The following MMP25 variants were observed in gnomAD, a reference collection of about 807,000 sequenced individuals.
MMP25 encodes matrix metallopeptidase 25.
In MMP25, 68 loss-of-function variants were observed where a neutral mutation model predicts 62.1. That is an observed-to-expected ratio of 1.10 (90% CI 0.90 to 1.34). MMP25 has a LOEUF of 1.34. Ranked by LOEUF, MMP25 falls within the 40% of genes most tolerant of loss-of-function variation. The pLI, the probability that MMP25 is intolerant of heterozygous loss-of-function variation, is 0.00. For synonymous variants in MMP25, 407 were observed against 345.6 expected, an observed-to-expected ratio of 1.18 and a Z score of -1.97; for missense variants, 942 against 792.5, an observed-to-expected ratio of 1.19 and a Z score of -2.26.
intron 4 of MMP25, 140 bp downstream of exon 4, chr16:3,050,686 T>C (rs1178536621): frequency 1.2e-6 from 1 of 830,744 alleles, no homozygotes; most frequent in African/African-American, 1.8e-5. Flanking sequence ...CAATCATAGC[T>C]AACTGCAACC....
chr16:3,059,923 G>C lies in MMP25; in HGVS notation c.*825G>C, dbSNP rs1327815523. The stretch of plus-strand genomic sequence containing the variant: ...CAACTTGGGCACCTCCCTGGGCCCA[G>C]AACTGCCTTCCATTCAATGGGGAAC... On this transcript the variant is annotated 3_prime_UTR_variant, in exon 10 of 10. Transcript: ENST00000336577. The C allele has an allele frequency of 6.6e-6, 1 of 152,444 alleles. No individual in the cohort carries two copies. The highest frequency in any genetic ancestry group is 1.5e-5 in the Non-Finnish European group (1 of 68,266). 9.4% of individuals were successfully genotyped at this position (152,444 alleles called of 1,614,324 possible).
chr16:3,058,736 A>G, intron 9 of MMP25, 67 bp downstream of exon 9: 1 of 1,526,978 alleles, frequency 6.5e-7, no homozygotes, highest in Admixed American at 2.0e-5. Flanking sequence ...GGGAATGGGG[A>G]CATGGAGGCC....
In MMP25 at chr16:3,058,573, G is replaced by A. The variant is rs913189493; in HGVS notation, c.1321G>A (p.Glu441Lys). The A allele has an allele frequency of 6.2e-7, 1 of 1,609,272 alleles. No homozygotes were observed. The highest frequency in any genetic ancestry group is 8.5e-7 in the Non-Finnish European group (1 of 1,178,676). The part of the protein sequence containing the change: ...VRGRQYWRYD[E>K]AAARPDPGYP... ...CGGCCGGCAGTACTGGCGCTACGAC[G>A]AGGCGGCGGCGCGCCCGGACCCCGG... is the stretch of plus-strand genomic sequence containing the variant. The change falls in exon 9 of 10, where the codon GAG becomes AAG. Residue 441 changes from glutamate to lysine, a missense_variant. Physicochemically the swap from Glu to Lys is moderately conservative, Grantham distance 56. Coordinates refer to ENST00000336577, the MANE Select transcript of MMP25 (RefSeq NM_022468.5).
chr16:3,047,307 C>T, intron 1 of MMP25, 108 bp from the exon 2 acceptor site: 10 of 1,486,044 alleles, frequency 6.7e-6, no homozygotes, highest in Non-Finnish European at 9.0e-6. Context: ...GGGCTGGGGC[C>T]CTGGGCTCTG....
intron 4 of MMP25, among the ~76,000 whole-genome samples, chr16:3,056,471 G>A (rs1164827844): frequency 1.3e-5 from 2 of 151,518 alleles, no homozygotes; most frequent in African/African-American, 4.9e-5. Context: ...ATGGTCATGC[G>A]TCACTGCAGC....
rs757408855 is a variant in MMP25 at position 3,050,373 on chromosome 16, C to G, written c.488C>G (p.Pro163Arg). Residue 163 changes from proline to arginine, a missense_variant, in exon 4 of 10, where the codon CCC (proline) becomes CGC (arginine). Physicochemically the swap from Pro to Arg is moderately radical, Grantham distance 103. Coordinates refer to ENST00000336577, the MANE Select transcript of MMP25 (RefSeq NM_022468.5). ...SGLTFHEVDS[P>R]QGQEPDILID... ...CTCACATTTCATGAGGTGGATTCCC[C>G]CCAGGGCCAGGAGCCCGACATCCTC... 9.9e-6 allele frequency: 16 copies of G among 1,614,050 alleles called. No individual in the cohort carries two copies. In the South Asian group the frequency reaches 1.8e-4, roughly 18 times the overall value.
rs748712476 is a variant in MMP25 at position 3,050,461 on chromosome 16, A to G, written c.576A>G (p.Leu192=). The G allele has an allele frequency of 1.5e-5, 24 of 1,612,896 alleles. No individual in the cohort carries two copies. Among genetic ancestry groups the G allele is most frequent in the Non-Finnish European group, 2.0e-5 (23 of 1,179,318 alleles). Residue 192 remains leucine (L), a synonymous_variant, in exon 4 of 10, where the codon CTA becomes CTG. Coordinates refer to ENST00000336577, the MANE Select transcript of MMP25 (RefSeq NM_022468.5). ...SYPFDGLGGT[L]AHAFFPGEHP... ...CCTTCGACGGGTTGGGGGGCACCCT[A>G]GCCCATGCCTTCTTCCCTGGGGAGC... is the stretch of plus-strand genomic sequence containing the variant.
At chr16:3,051,535 C>G (rs1378539430) in intron 4 of MMP25, 1 of 152,246 alleles carries the variant, frequency 6.6e-6, no homozygotes, top group Non-Finnish European at 1.5e-5. Flanking sequence ...ACTGGTGTTT[C>G]ACCAACCAGC....
At chr16:3,054,987 T>G (rs1955981334) in intron 4 of MMP25, 1 of 153,568 alleles carries the variant, frequency 6.5e-6, no homozygotes, top group Non-Finnish European at 1.5e-5. Flanking sequence ...GATGCAGCTG[T>G]GTGCCCCAGT....
At chr16:3,057,795 C>A in intron 7 of MMP25, 182 bp downstream of exon 7, 1 of 633,962 alleles carries the variant, frequency 1.6e-6, no homozygotes, top group Admixed American at 2.7e-5. Flanking sequence ...AAATACTGGG[C>A]TCAAGCGATC....
chr16:3,047,483 G>T lies in MMP25; in HGVS notation c.168G>T (p.Glu56Asp). ...HPAQAQLQSP[E>D]KLRDAIKVMQ... is the part of the protein sequence containing the mutation. The stretch of plus-strand genomic sequence containing the variant: ...CCCAGGCCCAGCTGCAGAGCCCTGA[G>T]AAGTTGCGCGATGCCATCAAAGTCA... The change falls in exon 2 of 10, where the codon GAG (glutamate) becomes GAT (aspartate). Residue 56 changes from glutamate (E) to aspartate (D), a missense_variant. Physicochemically the swap from Glu to Asp is conservative, Grantham distance 45 (BLOSUM62 2). Transcript: ENST00000336577. 6.2e-7 allele frequency: 1 copy of T among 1,613,912 alleles called. No individual in the cohort carries two copies. The highest frequency in any genetic ancestry group is 8.5e-7 in the Non-Finnish European group (1 of 1,179,966).
chr16:3,047,637 C>G lies in MMP25; in HGVS notation c.232+90C>G, dbSNP rs1955839668. On this transcript the variant is annotated intron_variant, in intron 2 of 9. Coordinates refer to ENST00000336577, the MANE Select transcript of MMP25 (RefSeq NM_022468.5). ...TTTAGACCTCAGTGTGCTCCTGGAACACGGAGCTGTGAAGATGCTGATCTC... is the reference window on the plus strand; with the variant it reads ...TTTAGACCTCAGTGTGCTCCTGGAAGACGGAGCTGTGAAGATGCTGATCTC... 7 of 1,437,188 alleles carry G rather than the reference C, an allele frequency of 4.9e-6. No homozygotes were observed. In the East Asian group the frequency reaches 1.6e-4, roughly 33 times the overall value. 89.0% of individuals were successfully genotyped at this position (1,437,188 alleles called of 1,614,324 possible).
chr16:3,059,100 G>C lies in MMP25; in HGVS notation c.*2G>C, dbSNP rs532757551. On this transcript the variant is annotated 3_prime_UTR_variant, in exon 10 of 10. Transcript: ENST00000336577. ...GTGGGGGGTGTAGCCTCCCGCTGAT[G>C]GGGGGAGCCATCCAGACCGAACAGC... The C allele has an allele frequency of 6.5e-7, 1 of 1,537,214 alleles. No individual in the cohort carries two copies. Among genetic ancestry groups the C allele is most frequent in the East Asian group, 2.5e-5 (1 of 40,722 alleles).
chr16:3,056,894 G>C (rs1956018667), intron 4 of MMP25, 139 bp from the exon 5 acceptor site: 2 of 784,522 alleles, frequency 2.5e-6, no homozygotes, highest in South Asian at 1.8e-5. Flanking sequence ...GTTCAGGAAG[G>C]GCTGGGCAGA....
chr16:3,050,016 G>A lies in MMP25; in HGVS notation c.240G>A (p.Gly80=), dbSNP rs944751680. ...GCCAAATGTCTCCCGCAGACCCAGG[G>A]ACAGTGGCCACCATGCGTAAGCCCC... ...GLPETGRMDP[G]TVATMRKPRC... The change falls in exon 3 of 10, where the codon GGG becomes GGA. Residue 80 remains glycine (G), a synonymous_variant. Transcript: ENST00000336577. 5.6e-6 allele frequency: 9 copies of A among 1,609,552 alleles called. No homozygotes were observed. The African/African-American group carries it at 6.7e-5, about 12-fold the overall frequency.
At chr16:3,051,222 G>GTGTGTATGTGTGTGT (rs1567124812) in intron 4 of MMP25, 1 of 150,826 alleles carries the variant, frequency 6.6e-6, no homozygotes, top group Non-Finnish European at 1.5e-5. Context: ...TATGTGTGTG[G>GTGTGTATGTGTGTGT]GGGGGGTGTG....
intron 4 of MMP25, chr16:3,051,366 T>A (rs1955899565): frequency 6.6e-6 from 1 of 152,206 alleles, no homozygotes; most frequent in South Asian, 2.1e-4. Context: ...AATTCCTTCC[T>A]CTCCAGGAAA....
chr16:3,058,178 C>T lies in MMP25; in HGVS notation c.1007-3C>T, dbSNP rs1381237419. On this transcript the variant is annotated splice_polypyrimidine_tract_variant and splice_region_variant and intron_variant, in intron 7 of 9. Coordinates refer to ENST00000336577, the MANE Select transcript of MMP25 (RefSeq NM_022468.5). ...TTCCTGCGAACCCCTTTGTCCCCTGCAGGCCCCTGGTTCTGGCGCCTCCAG... is the reference window on the plus strand; with the variant it reads ...TTCCTGCGAACCCCTTTGTCCCCTGTAGGCCCCTGGTTCTGGCGCCTCCAG... 1 of 1,612,132 alleles carries T rather than the reference C, an allele frequency of 6.2e-7. No individual in the cohort carries two copies. The highest frequency in any genetic ancestry group is 8.5e-7 in the Non-Finnish European group (1 of 1,179,178).
In MMP25 at chr16:3,050,277, C is replaced by G. The variant is rs759954307; in HGVS notation, c.392C>G (p.Ser131Cys). Residue 131 changes from serine to cysteine, a missense_variant, in exon 4 of 10, where the codon TCC (serine) becomes TGC (cysteine). Coordinates refer to ENST00000336577, the MANE Select transcript of MMP25 (RefSeq NM_022468.5). ...TWRVRSFPQS[S>C]QLSQETVRVL... ...AGGGTACGTTCCTTCCCCCAGAGCTCCCAGCTGAGCCAGGAGACCGTGCGG... is the reference window on the plus strand; with the variant it reads ...AGGGTACGTTCCTTCCCCCAGAGCTGCCAGCTGAGCCAGGAGACCGTGCGG... 9 of 1,604,020 alleles carry G rather than the reference C, an allele frequency of 5.6e-6. No homozygotes were observed. Among genetic ancestry groups the G allele is most frequent in the Middle Eastern group, 1.7e-4 (1 of 6,018 alleles).
Sources: gnomAD v4.1 joint callset for allele counts (sites outside exome capture counted in the v4.1 genomes callset) on GRCh38, gnomAD v4.1.1 for gene constraint, MANE v1.5 for transcripts, NCBI Gene and HGNC (gene_info 2026-07-23, HGNC 2026-07-21) for gene names.